The following TG variants were observed in gnomAD, a reference collection of about 807,000 sequenced individuals.
TG encodes the protein thyroid hormones.
TG carries 270 observed loss-of-function variants against 324.7 expected under a neutral mutation model. The ratio of observed to expected loss-of-function variants is 0.83; its 90% CI spans 0.75 to 0.92. The LOEUF is 0.92. Ranked by LOEUF, TG falls within the 40% of genes least tolerant of loss-of-function variation. The pLI, the probability that TG is intolerant of heterozygous loss-of-function variation, is 0.00. For synonymous variants in TG, 1,401 were observed against 1,327.0 expected (o/e 1.06, Z -1.21); for missense variants, 3,591 against 3,456.4 (o/e 1.04, Z -0.98).
intron 35 of TG, among the ~76,000 whole-genome samples, chr8:132,994,454 T>G (rs1256319076): frequency 6.6e-6 from 1 of 152,216 alleles, no homozygotes; most frequent in Non-Finnish European, 1.5e-5. Context: ...CAGGCCCTTC[T>G]ACATAGCTGA....
chr8:133,007,407 T>G (rs1417909315), intron 35 of TG, among the ~76,000 whole-genome samples: 3 of 152,176 alleles, frequency 2.0e-5, no homozygotes, highest in Non-Finnish European at 2.9e-5. Context: ...GCTTTTTTTG[T>G]GCCCGTTAAA....
At chr8:133,114,726 C>T (rs1002767171) in intron 44 of TG, among the ~76,000 whole-genome samples, 1 of 152,160 alleles carries the variant, frequency 6.6e-6, no homozygotes, top group Non-Finnish European at 1.5e-5. Flanking sequence ...TTCTGGGAGG[C>T]CCATTTGCTT....
intron 28 of TG, 148 bp from the exon 29 acceptor site, chr8:132,962,846 A>G (rs936168287): frequency 2.6e-6 from 2 of 769,672 alleles, no homozygotes; most frequent in African/African-American, 1.7e-5. Context: ...AAGAGTGCAG[A>G]TCCATGTCAG....
chr8:132,920,013 G>A (rs1181596468), intron 21 of TG, among the ~76,000 whole-genome samples: 1 of 152,186 alleles, frequency 6.6e-6, no homozygotes, highest in Non-Finnish European at 1.5e-5. Flanking sequence ...GATGTAACTG[G>A]TCTTTGATCT....
chr8:132,995,616 A>T (rs773109149), intron 35 of TG: 39 of 767,870 alleles, frequency 5.1e-5, no homozygotes, highest in Admixed American at 6.3e-5. Flanking sequence ...AGGAGTTCAG[A>T]TGCTCTTAGG....
chr8:132,904,932 G>T (rs1434343352), intron 16 of TG, among the ~76,000 whole-genome samples: 2 of 152,140 alleles, frequency 1.3e-5, no homozygotes, highest in South Asian at 2.1e-4. Flanking sequence ...AGATAATGGG[G>T]TTCAAATCCT....
intron 41 of TG, among the ~76,000 whole-genome samples, chr8:133,069,847 C>T (rs1843686479): frequency 6.6e-6 from 1 of 151,424 alleles, no homozygotes. Context: ...ACTAAAAATA[C>T]AAAAATCAGC....
chr8:132,869,750 C>A lies in TG; in HGVS notation c.198C>A (p.Asp66Glu). 2 of 1,614,206 alleles carry A rather than the reference C, an allele frequency of 1.2e-6. No homozygotes were observed. The highest frequency in any genetic ancestry group is 1.7e-6 in the Non-Finnish European group (2 of 1,180,042). Residue 66 changes from aspartate (D) to glutamate (E), a missense_variant, in exon 3 of 48, where the codon GAC becomes GAA. Physicochemically the swap from Asp to Glu is conservative, Grantham distance 45. Coordinates refer to ENST00000220616, the MANE Select transcript of TG (RefSeq NM_003235.5). Reference protein sequence around the residue: ...GSFQTVQCQNDGRSCWCVGAN... With the variant: ...GSFQTVQCQNEGRSCWCVGAN... ...TCAGGACTGTCCAGTGCCAGAACGA[C>A]GGCCGCTCCTGCTGGTGTGTGGGTG...
intron 44 of TG, among the ~76,000 whole-genome samples, chr8:133,114,760 T>C (rs1012725025): frequency 1.3e-5 from 2 of 152,154 alleles, no homozygotes; most frequent in Non-Finnish European, 2.9e-5. Flanking sequence ...ACAGAGCCAA[T>C]GTCAAGGCTC....
intron 41 of TG, among the ~76,000 whole-genome samples, chr8:133,033,104 T>C (rs939308486): frequency 2.0e-5 from 3 of 152,230 alleles, no homozygotes; most frequent in African/African-American, 7.2e-5. Flanking sequence ...TAAGATCAGA[T>C]AGGCCTGCAT....
chr8:132,886,836 C>T lies in TG; in HGVS notation c.1464C>T (p.Ala488=). ...VNVGQFNLSG[A]LGTRGTFNFS... is the part of the protein sequence containing the mutation. ...TTGGCCAGTTTAACTTGTCTGGAGC[C>T]CTTGGCACAAGAGGCACATTTAACT... The change falls in exon 9 of 48, where the codon GCC becomes GCT. Residue 488 remains alanine (A), a synonymous_variant. Coordinates refer to ENST00000220616, the MANE Select transcript of TG (RefSeq NM_003235.5). 1 of 1,614,124 alleles carries T rather than the reference C, an allele frequency of 6.2e-7. No homozygotes were observed. The highest frequency in any genetic ancestry group is 8.5e-7 in the Non-Finnish European group (1 of 1,180,038).
intron 37 of TG, among the ~76,000 whole-genome samples, chr8:133,017,218 A>G (rs1457862444): frequency 6.6e-6 from 1 of 150,586 alleles, no homozygotes; most frequent in Non-Finnish European, 1.5e-5. Flanking sequence ...TGGGCCTGCA[A>G]CCCCTGCACT....
chr8:132,896,265 C>G (rs566109311), intron 11 of TG, among the ~76,000 whole-genome samples: 2 of 152,208 alleles, frequency 1.3e-5, no homozygotes, highest in Non-Finnish European at 2.9e-5. Context: ...GGCGCAGTGC[C>G]GGGATTCAGA....
intron 46 of TG, chr8:133,133,257 C>A: frequency 1.6e-6 from 1 of 634,972 alleles, no homozygotes; most frequent in Admixed American, 2.3e-5. Context: ...CACCTTTCCT[C>A]ACCCAGAAAT....
intron 41 of TG, among the ~76,000 whole-genome samples, chr8:133,070,801 G>C (rs872286): frequency 0.8 from 122,480 of 152,206 alleles, 49,398 homozygotes; most frequent in Admixed American, 0.84. Flanking sequence ...GTGCACACTG[G>C]CCCGTGTCTG....
Position 132,888,327 on chromosome 8 carries a change from T to C in TG, c.2520T>C (p.Pro840=), listed in dbSNP as rs116489694. The C allele has an allele frequency of 1.1e-3, 1,730 of 1,614,110 alleles. 17 individuals are homozygous for C. The African/African-American group carries it at 0.017, about 16-fold the overall frequency. ...TCTTCCCGGTGCTGTCACAATACCC[T>C]TCTCTGCAAGATGTCCCACTAGCAG... ...QDVFPVLSQY[P]SLQDVPLAAL... is the part of the protein sequence containing the mutation. Residue 840 remains proline (P), a synonymous_variant, in exon 10 of 48, where the codon CCT becomes CCC. Transcript: ENST00000220616.
intron 27 of TG, among the ~76,000 whole-genome samples, chr8:132,955,396 C>T (rs946074742): frequency 1.3e-5 from 2 of 152,200 alleles, no homozygotes; most frequent in African/African-American, 4.8e-5. Flanking sequence ...CACAGCTGAA[C>T]TCAACTCACC....
At chr8:133,002,158 T>G in intron 35 of TG, 1 of 985,468 alleles carries the variant, frequency 1.0e-6, no homozygotes, top group Non-Finnish European at 1.2e-6. Context: ...ACAAAAATGC[T>G]TGGAGGCACT....
intron 33 of TG, 123 bp from the exon 34 acceptor site, chr8:132,972,475 A>C: frequency 8.9e-7 from 1 of 1,125,936 alleles, no homozygotes; most frequent in Non-Finnish European, 1.3e-6. Flanking sequence ...TATCTGAAAT[A>C]TAGTGGTGTA....
Sources: allele counts gnomAD v4.1 joint callset (sites outside exome capture counted in the v4.1 genomes callset), GRCh38; gene constraint gnomAD v4.1.1; transcripts MANE v1.5; gene names NCBI Gene and HGNC (gene_info 2026-07-23, HGNC 2026-07-21).